The following RASAL2 variants were observed in gnomAD, a reference collection of about 807,000 sequenced individuals.
The protein encoded by RASAL2 is ras GTPase-activating protein nGAP.
RASAL2 carries 58 observed loss-of-function variants against 128.9 expected under a neutral mutation model. The ratio of observed to expected loss-of-function variants is 0.45; its 90% CI spans 0.36 to 0.56. The LOEUF (loss-of-function observed/expected upper bound fraction) is 0.56, where lower values mean the gene tolerates loss of function less well. RASAL2 is among the 20% of genes least tolerant of loss of function. The pLI, the probability that RASAL2 is intolerant of heterozygous loss-of-function variation, is 0.00. For synonymous variants in RASAL2, 561 were observed against 580.8 expected, an observed-to-expected ratio of 0.97 and a Z score of 0.49; for missense variants, 1,360 against 1,601.6, an observed-to-expected ratio of 0.85 and a Z score of 2.57.
At chr1:178,268,996 G>A (rs1292189667) in intron 1 of RASAL2, among the ~76,000 whole-genome samples, 2 of 152,150 alleles carry the variant, frequency 1.3e-5, no homozygotes, top group Non-Finnish European at 2.9e-5. Flanking sequence ...TATGAACTGA[G>A]TGTGTCTCCC....
intron 5 of RASAL2, among the ~76,000 whole-genome samples, chr1:178,433,314 C>G (rs1214723049): frequency 2.0e-5 from 3 of 152,078 alleles, no homozygotes; most frequent in Admixed American, 2.0e-4. Context: ...CTGAACCACC[C>G]CCACCTTAAA....
intron 1 of RASAL2, among the ~76,000 whole-genome samples, chr1:178,247,374 CTGATGGTAGTT>C (rs1408438140): frequency 6.6e-6 from 1 of 151,958 alleles, no homozygotes; most frequent in South Asian, 2.1e-4. Context: ...ATAGTATTCT[CTGATGGTAGTT>C]TGATGGTAGT....
At chr1:178,413,284 T>C (rs1216085656) in intron 4 of RASAL2, among the ~76,000 whole-genome samples, 1 of 152,198 alleles carries the variant, frequency 6.6e-6, no homozygotes, top group Admixed American at 6.5e-5. Flanking sequence ...TAACAAGGTC[T>C]GCTCTCAGAA....
intron 3 of RASAL2, among the ~76,000 whole-genome samples, chr1:178,308,168 A>G (rs1035657375): frequency 1.3e-5 from 2 of 152,166 alleles, no homozygotes; most frequent in Admixed American, 6.5e-5. Context: ...TCAAAAACCT[A>G]TAAACATTTG....
chr1:178,334,605 A>G (rs1248376136), intron 3 of RASAL2, among the ~76,000 whole-genome samples: 3 of 152,070 alleles, frequency 2.0e-5, no homozygotes, highest in African/African-American at 7.2e-5. Context: ...AGCCTCCCAG[A>G]GTGCTGGGAT....
At chr1:178,366,358 GA>G (rs1671397673) in intron 3 of RASAL2, among the ~76,000 whole-genome samples, 1 of 152,084 alleles carries the variant, frequency 6.6e-6, no homozygotes, top group Admixed American at 6.5e-5. Context: ...ATCAGTTTAG[GA>G]AAAGATCATG....
chr1:178,471,267 C>G (rs1479615219), intron 17 of RASAL2, among the ~76,000 whole-genome samples: 1 of 151,934 alleles, frequency 6.6e-6, no homozygotes, highest in Non-Finnish European at 1.5e-5. Context: ...CCTAATAATG[C>G]GAGTAGGGAG....
intron 5 of RASAL2, among the ~76,000 whole-genome samples, chr1:178,427,776 A>G (rs1199689986): frequency 6.6e-6 from 1 of 152,058 alleles, no homozygotes; most frequent in Non-Finnish European, 1.5e-5. Flanking sequence ...CCAATTTTAC[A>G]TGCATTCATT....
At chr1:178,285,207 G>A (rs1315828478) in intron 2 of RASAL2, among the ~76,000 whole-genome samples, 7 of 134,254 alleles carry the variant, frequency 5.2e-5, no homozygotes, top group East Asian at 2.5e-4. Flanking sequence ...TGCAAGCTCC[G>A]CTTCCCGGGT....
At chr1:178,143,119 C>T (rs1376947023) in intron 1 of RASAL2, among the ~76,000 whole-genome samples, 1 of 151,804 alleles carries the variant, frequency 6.6e-6, no homozygotes, top group Non-Finnish European at 1.5e-5. Context: ...CCGTGTCACC[C>T]ACCATTAAAT....
intron 3 of RASAL2, among the ~76,000 whole-genome samples, chr1:178,371,245 A>C (rs1235857314): frequency 6.6e-6 from 1 of 151,616 alleles, no homozygotes; most frequent in African/African-American, 2.4e-5. Context: ...GTTGCAGAAC[A>C]GTCATTCTCT....
chr1:178,406,889 C>G (rs1054882457), intron 4 of RASAL2, among the ~76,000 whole-genome samples: 5 of 151,738 alleles, frequency 3.3e-5, no homozygotes, highest in Non-Finnish European at 7.4e-5. Flanking sequence ...TCAATTAGAT[C>G]TGATTAATGG....
At chr1:178,431,925 C>G (rs959908412) in intron 5 of RASAL2, among the ~76,000 whole-genome samples, 1 of 148,722 alleles carries the variant, frequency 6.7e-6, no homozygotes, top group Non-Finnish European at 1.5e-5. Flanking sequence ...ATGTAATATG[C>G]TATATATTAC....
chr1:178,176,103 C>G lies in RASAL2; in HGVS notation c.202+81409C>G, dbSNP rs1571586881. 2.0e-5 allele frequency among the ~76,000 whole-genome samples: 3 copies of G among 152,210 alleles called. No homozygotes were observed. In the East Asian group the frequency reaches 5.8e-4, roughly 29 times the overall value. On this transcript the variant is annotated intron_variant, in intron 1 of 17. Coordinates refer to ENST00000367649, the MANE Select transcript of RASAL2 (RefSeq NM_170692.4). ...GCTATTGCTGGATGGAATGGTAGAT[C>G]TACTTTTAGTTCTTTAAGAAATCTC...
chr1:178,426,475 A>G (rs1274651776), intron 5 of RASAL2, among the ~76,000 whole-genome samples: 1 of 152,168 alleles, frequency 6.6e-6, no homozygotes, highest in East Asian at 1.9e-4. Flanking sequence ...ACTCTGTCTC[A>G]ATAATAGTAA....
intron 1 of RASAL2, among the ~76,000 whole-genome samples, chr1:178,218,467 A>G (rs930770642): frequency 6.6e-6 from 1 of 152,116 alleles, no homozygotes; most frequent in Non-Finnish European, 1.5e-5. Flanking sequence ...CGGGCGGATT[A>G]CCTGAGGTCA....
intron 9 of RASAL2, among the ~76,000 whole-genome samples, chr1:178,446,670 T>C (rs1677024018): frequency 6.6e-6 from 1 of 152,228 alleles, no homozygotes; most frequent in African/African-American, 2.4e-5. Context: ...ACATGTTGAA[T>C]GATTGGAGAG....
chr1:178,241,854 T>C (rs1664512790), intron 1 of RASAL2, among the ~76,000 whole-genome samples: 1 of 152,210 alleles, frequency 6.6e-6, no homozygotes, highest in Admixed American at 6.5e-5. Context: ...GCAGAGGCCA[T>C]GGCTGTTGCT....
chr1:178,392,700 A>G (rs1672985609), intron 4 of RASAL2, among the ~76,000 whole-genome samples: 1 of 152,112 alleles, frequency 6.6e-6, no homozygotes, highest in Non-Finnish European at 1.5e-5. Context: ...ATTCAATAGA[A>G]GGCCAGCCCA....
Sources: gnomAD v4.1 joint callset for allele counts (sites outside exome capture counted in the v4.1 genomes callset) on GRCh38, gnomAD v4.1.1 for gene constraint, MANE v1.5 for transcripts, NCBI Gene and HGNC (gene_info 2026-07-23, HGNC 2026-07-21) for gene names.